DLGAP1: variants seen among roughly 807,000 people sequenced by gnomAD.
DLGAP1 encodes the protein DLG associated protein 1, also known as disks large-associated protein 1.
In DLGAP1, 11 loss-of-function variants were observed where a neutral mutation model predicts 90.8. That is an observed-to-expected ratio of 0.12 (90% CI 0.08 to 0.20). The LOEUF is 0.20. DLGAP1 is among the 10% of genes least tolerant of loss of function. The pLI is 1.00. For synonymous variants in DLGAP1, 558 were observed against 540.7 expected, an observed-to-expected ratio of 1.03 and a Z score of -0.44; for missense variants, 1,050 against 1,333.8, an observed-to-expected ratio of 0.79 and a Z score of 3.31.
At chr18:4,136,966 T>C (rs1159217578) in intron 2 of DLGAP1, among the ~76,000 whole-genome samples, 1 of 152,186 alleles carries the variant, frequency 6.6e-6, no homozygotes, top group Non-Finnish European at 1.5e-5. Context: ...TAGTTACATA[T>C]GTATACATGT....
chr18:3,543,387 G>C (rs994280799), intron 9 of DLGAP1, among the ~76,000 whole-genome samples: 1 of 151,994 alleles, frequency 6.6e-6, no homozygotes, highest in Admixed American at 6.6e-5. Flanking sequence ...GGATGGTCTC[G>C]ATCTCCTGAC....
At chr18:4,444,316 C>A (rs1417222805) in intron 1 of DLGAP1, among the ~76,000 whole-genome samples, 2 of 152,170 alleles carry the variant, frequency 1.3e-5, no homozygotes, top group Non-Finnish European at 2.9e-5. Context: ...TATAGATGCA[C>A]TGAATTGTTT....
chr18:3,682,097 G>A (rs1270662402), intron 7 of DLGAP1, among the ~76,000 whole-genome samples: 2 of 145,104 alleles, frequency 1.4e-5, no homozygotes, highest in African/African-American at 5.1e-5. Context: ...CAGCCTGGGT[G>A]ACAGGCGAGA....
At chr18:3,735,282 C>T (rs548659447) in intron 6 of DLGAP1, among the ~76,000 whole-genome samples, 6 of 152,286 alleles carry the variant, frequency 3.9e-5, no homozygotes, top group African/African-American at 9.6e-5. Flanking sequence ...TGCAGTGGCA[C>T]GATCTTGGCT....
At chr18:3,925,124 T>C (rs960910717) in intron 3 of DLGAP1, among the ~76,000 whole-genome samples, 6 of 152,036 alleles carry the variant, frequency 3.9e-5, no homozygotes, top group African/African-American at 1.4e-4. Context: ...AGCTAATTTT[T>C]GTATTTTTAG....
rs937571917 is a variant in DLGAP1, at chr18:3,499,107, G to A, written c.*78C>T. Reference sequence around the variant, plus strand: ...GCTCGGGAGCGGACGGGCTCGGAGGGGGAGAGGCAGCCGGCAGAGGAGCGG... The same window carrying A: ...GCTCGGGAGCGGACGGGCTCGGAGGAGGAGAGGCAGCCGGCAGAGGAGCGG... On this transcript the variant is annotated 3_prime_UTR_variant, in exon 13 of 13. Transcript: ENST00000315677. The surrounding 1 kb of genome is among the most constrained non-coding windows in gnomAD (Gnocchi z 6.4). The A allele has an allele frequency of 1.5e-6, 2 of 1,328,410 alleles. No individual in the cohort carries two copies. Among genetic ancestry groups the A allele is most frequent in the Non-Finnish European group, 2.0e-6 (2 of 1,002,874 alleles). The allele number at this position is 1,328,410 out of a possible 1,614,324, so 82.3% of individuals were successfully genotyped here.
At chr18:3,611,240 C>T (rs962336638) in intron 7 of DLGAP1, among the ~76,000 whole-genome samples, 1 of 152,060 alleles carries the variant, frequency 6.6e-6, no homozygotes, top group Non-Finnish European at 1.5e-5. Flanking sequence ...CCCTACAGCT[C>T]CCCTGATCAC....
intron 7 of DLGAP1, among the ~76,000 whole-genome samples, chr18:3,691,680 G>C (rs2060902924): frequency 6.6e-6 from 1 of 152,152 alleles, no homozygotes; most frequent in African/African-American, 2.4e-5. Context: ...GGGAGGCCAA[G>C]ACAGGAGGAT....
At chr18:3,587,805 A>G (rs111519123) in intron 7 of DLGAP1, among the ~76,000 whole-genome samples, 2,027 of 152,308 alleles carry the variant, frequency 0.013, 18 homozygotes, top group Non-Finnish European at 0.018. Context: ...TAAGAGCTGT[A>G]ACACTCACCA....
intron 7 of DLGAP1, among the ~76,000 whole-genome samples, chr18:3,674,439 T>G (rs2060221550): frequency 6.6e-6 from 1 of 151,304 alleles, no homozygotes; most frequent in East Asian, 1.9e-4. Flanking sequence ...CACAACAAAA[T>G]GAGCTCCTAT....
At chr18:3,880,944 G>GAAAAAA (rs1173817359) in intron 3 of DLGAP1, among the ~76,000 whole-genome samples, 1,048 of 28,404 alleles carry the variant, frequency 0.037, no homozygotes, top group Non-Finnish European at 0.052. Context: ...CTCCATCTCA[G>GAAAAAA]AAAAAAAAAA....
chr18:4,029,068 T>C (rs1460427950), intron 2 of DLGAP1, among the ~76,000 whole-genome samples: 2 of 152,228 alleles, frequency 1.3e-5, no homozygotes, highest in South Asian at 2.1e-4. Context: ...TTCTAAGAGT[T>C]TGACTTTTTT....
At chr18:4,188,272 T>G (rs1198824040) in intron 1 of DLGAP1, among the ~76,000 whole-genome samples, 1 of 152,196 alleles carries the variant, frequency 6.6e-6, no homozygotes, top group African/African-American at 2.4e-5. Context: ...TTTATTCAAT[T>G]TCAAATATTT....
intron 1 of DLGAP1, among the ~76,000 whole-genome samples, chr18:4,437,710 T>A (rs1020945926): frequency 1.3e-5 from 2 of 152,336 alleles, no homozygotes; most frequent in African/African-American, 4.8e-5. Flanking sequence ...TGTTTACTAA[T>A]CTTTCTCTTG....
intron 2 of DLGAP1, among the ~76,000 whole-genome samples, chr18:4,094,238 G>T (rs1334189334): frequency 6.6e-6 from 1 of 151,986 alleles, no homozygotes; most frequent in African/African-American, 2.4e-5. Flanking sequence ...TTATCTCTTA[G>T]CTGTTTACAT....
At chr18:4,120,813 CTTTT>C (rs1344462907) in intron 2 of DLGAP1, among the ~76,000 whole-genome samples, 1 of 144,688 alleles carries the variant, frequency 6.9e-6, no homozygotes, top group East Asian at 2.1e-4. Flanking sequence ...TCTCCTCTTT[CTTTT>C]TCTTTCTTTT....
intron 2 of DLGAP1, among the ~76,000 whole-genome samples, chr18:4,089,907 C>T (rs577697576): frequency 5.5e-4 from 84 of 152,094 alleles, no homozygotes; most frequent in South Asian, 6.2e-4. Flanking sequence ...TAGCCAGGTG[C>T]GGTGGCGGGC....
At chr18:3,599,181 A>G (rs1485831361) in intron 7 of DLGAP1, among the ~76,000 whole-genome samples, 2 of 152,376 alleles carry the variant, frequency 1.3e-5, no homozygotes, top group Non-Finnish European at 2.9e-5. Context: ...ACTAAAATCT[A>G]TACCAATTTA....
chr18:4,133,945 A>C (rs1331625261), intron 2 of DLGAP1, among the ~76,000 whole-genome samples: 2 of 151,964 alleles, frequency 1.3e-5, no homozygotes, highest in African/African-American at 4.8e-5. Context: ...GAGGAGAAAG[A>C]ATAAATCGAG....
Sources: gnomAD v4.1 joint callset for allele counts (sites outside exome capture counted in the v4.1 genomes callset) on GRCh38, gnomAD v4.1.1 for gene constraint, Gnocchi (gnomAD v3.1) non-coding constraint, MANE v1.5 for transcripts, NCBI Gene and HGNC (gene_info 2026-07-23, HGNC 2026-07-21) for gene names.